Variants in POC1A observed in about 807,000 individuals in gnomAD.
The protein encoded by POC1A is POC1 centriolar protein A.
A neutral mutation model predicts 47.8 loss-of-function variants in POC1A; 34 were observed. The observed-to-expected ratio is 0.71, with a 90% CI of 0.54 to 0.95. The LOEUF is 0.95. POC1A is among the 40% of genes least tolerant of loss of function. The pLI, the probability that POC1A is intolerant of heterozygous loss-of-function variation, is 0.00. For synonymous variants in POC1A, 177 were observed against 207.6 expected (o/e 0.85, Z 1.27); for missense variants, 466 against 528.3 (o/e 0.88, Z 1.16).
chr3:52,090,277 T>C lies in POC1A; in HGVS notation c.1125+6292A>G, dbSNP rs571106338. 2.0e-4 allele frequency among the ~76,000 whole-genome samples: 31 copies of C among 152,292 alleles called. No homozygotes were observed. Among genetic ancestry groups the C allele is most frequent in the African/African-American group, 7.0e-4 (29 of 41,548 alleles). On this transcript the variant is annotated intron_variant, in intron 10 of 10. Transcript: ENST00000296484. This position sits in a 1 kb window ranked among gnomAD's most constrained non-coding sequence, Gnocchi z 4.2. ...ACACTGGGTGCCATAAAAAAACAGT[T>C]GGAGCAGGAATTTCATGGCTCGGTA...
In POC1A at chr3:52,125,177, G is replaced by T; in HGVS notation, c.818C>A (p.Pro273Gln). The T allele has an allele frequency of 6.2e-7, 1 of 1,613,248 alleles. No homozygotes were observed. Among genetic ancestry groups the T allele is most frequent in the Non-Finnish European group, 8.5e-7 (1 of 1,179,380 alleles). The change falls in exon 8 of 11, where the codon CCA (proline) becomes CAA (glutamine). Residue 273 changes from proline (P) to glutamine (Q), a missense_variant. By Grantham distance (76) the Pro-to-Gln change is moderately conservative. Transcript: ENST00000296484. ...LLYTLHGHQG[P>Q]ATTVAFSRTG... ...TCTTGAAAAGGCAACAGTGGTGGCT[G>T]GTCCCTGGCAGAACAAACAAAAAAT...
At position 52,154,343 on chromosome 3, in the gene POC1A, G is replaced by A. The variant is rs1698656532; in HGVS notation, c.18+12C>T. ...GACTGAGGCCTGGGGAGTTGCTCTC[G>A]GCTGGGCTTACCGCGCAGGGCGCAG... On this transcript the variant is annotated intron_variant, in intron 1 of 10. Coordinates refer to ENST00000296484, the MANE Select transcript of POC1A (RefSeq NM_015426.5). 1.9e-6 allele frequency: 3 copies of A among 1,557,574 alleles called. No homozygotes were observed. Among genetic ancestry groups the A allele is most frequent in the East Asian group, 2.6e-5 (1 of 38,900 alleles).
intron 10 of POC1A, among the ~76,000 whole-genome samples, chr3:52,087,232 T>C (rs911919582): frequency 2.0e-5 from 3 of 152,132 alleles, no homozygotes; most frequent in African/African-American, 7.2e-5. Flanking sequence ...TCTGTCCTGG[T>C]CTGATGATGA....
chr3:52,107,896 A>T (rs1386767350), intron 9 of POC1A, among the ~76,000 whole-genome samples: 1 of 152,188 alleles, frequency 6.6e-6, no homozygotes, highest in Non-Finnish European at 1.5e-5. Context: ...TTTGAACTTT[A>T]CCAGTTTTTC....
At chr3:52,142,536 G>A (rs997380555) in intron 6 of POC1A, among the ~76,000 whole-genome samples, 5 of 152,192 alleles carry the variant, frequency 3.3e-5, no homozygotes, top group Non-Finnish European at 7.4e-5. Context: ...AACTATGGAC[G>A]GCTGGATGCA....
chr3:52,151,904 AT>A (rs1440070275), intron 1 of POC1A, among the ~76,000 whole-genome samples: 3 of 152,166 alleles, frequency 2.0e-5, no homozygotes, highest in Admixed American at 6.5e-5. Context: ...AAAAAAAAAA[AT>A]CTTTAAAAAC....
intron 6 of POC1A, 41 bp downstream of exon 6, chr3:52,145,805 C>A: frequency 7.5e-7 from 1 of 1,329,974 alleles, no homozygotes; most frequent in Non-Finnish European, 1.1e-6. Context: ...CACAGTCCCA[C>A]CAGGGCTGCC....
intron 10 of POC1A, among the ~76,000 whole-genome samples, chr3:52,078,503 C>CTTTTT (rs531817608): frequency 1.8e-5 from 2 of 113,528 alleles, no homozygotes; most frequent in Non-Finnish European, 3.6e-5. Flanking sequence ...ATGGAAATCT[C>CTTTTT]TTTTTTTTTT....
chr3:52,081,220 C>T (rs2106926605), intron 10 of POC1A, among the ~76,000 whole-genome samples: 1 of 152,322 alleles, frequency 6.6e-6, no homozygotes, highest in African/African-American at 2.4e-5. Flanking sequence ...GTTTTATGGA[C>T]ACGCCTGCTG....
chr3:52,085,077 C>T (rs1305173122), intron 10 of POC1A, among the ~76,000 whole-genome samples: 1 of 152,170 alleles, frequency 6.6e-6, no homozygotes, highest in Non-Finnish European at 1.5e-5. Context: ...CTGGGTGAAG[C>T]CTGGGAGAGG....
intron 7 of POC1A, among the ~76,000 whole-genome samples, chr3:52,131,329 C>G (rs1704203360): frequency 6.6e-6 from 1 of 152,178 alleles, no homozygotes; most frequent in Non-Finnish European, 1.5e-5. Context: ...TAGGGAAGCC[C>G]TTCCCTCTCC....
intron 4 of POC1A, among the ~76,000 whole-genome samples, chr3:52,148,021 T>C (rs1003883399): frequency 6.6e-6 from 1 of 151,170 alleles, no homozygotes; most frequent in Non-Finnish European, 1.5e-5. Context: ...CTCATGCACA[T>C]AAAGCCCCAG....
chr3:52,114,833 G>A (rs1001100418), intron 9 of POC1A, among the ~76,000 whole-genome samples: 1 of 152,214 alleles, frequency 6.6e-6, no homozygotes, highest in African/African-American at 2.4e-5. Context: ...CCCCACAATA[G>A]CCACACGAGG....
intron 2 of POC1A, among the ~76,000 whole-genome samples, chr3:52,150,605 C>T (rs1268932812): frequency 6.6e-6 from 1 of 152,148 alleles, no homozygotes; most frequent in East Asian, 1.9e-4. Context: ...CCCATCTCTG[C>T]TCAACAGCCT....
intron 9 of POC1A, among the ~76,000 whole-genome samples, chr3:52,108,361 G>A (rs1310129681): frequency 6.6e-6 from 1 of 152,216 alleles, no homozygotes; most frequent in Non-Finnish European, 1.5e-5. Flanking sequence ...ATGAAGACGA[G>A]CGGCAGAGCC....
At chr3:52,128,401 C>G (rs1346438097) in intron 7 of POC1A, among the ~76,000 whole-genome samples, 1 of 152,170 alleles carries the variant, frequency 6.6e-6, no homozygotes, top group African/African-American at 2.4e-5. Context: ...TTTACGAGAC[C>G]AAACCCCAGG....
At chr3:52,141,834 G>C (rs1180604091) in intron 6 of POC1A, among the ~76,000 whole-genome samples, 1 of 150,772 alleles carries the variant, frequency 6.6e-6, no homozygotes, top group African/African-American at 2.4e-5. Flanking sequence ...ATCTCTGAAA[G>C]AGAAAAAAAA....
At chr3:52,080,857 C>G (rs917512361) in intron 10 of POC1A, among the ~76,000 whole-genome samples, 4 of 152,204 alleles carry the variant, frequency 2.6e-5, no homozygotes, top group African/African-American at 9.6e-5. Flanking sequence ...CTCCCTAAAT[C>G]GGAGTGACAG....
chr3:52,141,539 C>A (rs1317069017), intron 6 of POC1A, among the ~76,000 whole-genome samples: 1 of 152,242 alleles, frequency 6.6e-6, no homozygotes, highest in Non-Finnish European at 1.5e-5. Flanking sequence ...ACCCAAAACA[C>A]TCCTCTGTGT....
Sources: allele counts gnomAD v4.1 joint callset (sites outside exome capture counted in the v4.1 genomes callset), GRCh38; gene constraint gnomAD v4.1.1; non-coding constraint Gnocchi (gnomAD v3.1); transcripts MANE v1.5; gene names NCBI Gene and HGNC (gene_info 2026-07-23, HGNC 2026-07-21).